The following MGAM variants were observed in gnomAD, a reference collection of about 807,000 sequenced individuals.
The protein encoded by MGAM is alpha-1,4-glucosidase.
Under a neutral mutation model 358.8 loss-of-function variants are expected in MGAM, and 253 were observed. That is an observed-to-expected ratio of 0.71 (90% CI 0.64 to 0.78). The LOEUF is 0.78. Ranked by LOEUF, MGAM falls within the 30% of genes least tolerant of loss-of-function variation. MGAM has a pLI of 0.00. For synonymous variants in MGAM, 1,105 were observed against 1,227.1 expected, an observed-to-expected ratio of 0.90 and a Z score of 2.08; for missense variants, 3,080 against 3,432.6, an observed-to-expected ratio of 0.90 and a Z score of 2.57.
In MGAM at chr7:142,079,038, T is replaced by A. The variant is rs760897122; in HGVS notation, c.5847+30T>A. 38 of 1,500,696 alleles carry A rather than the reference T, an allele frequency of 2.5e-5. 7 individuals carry two copies. The highest frequency in any genetic ancestry group is 3.3e-5 in the Non-Finnish European group (36 of 1,087,104). The allele number at this position is 1,500,696 out of a possible 1,614,324, so 93.0% of individuals were successfully genotyped here. On this transcript the variant is annotated intron_variant, in intron 49 of 70. Coordinates refer to ENST00000475668, the MANE Select transcript of MGAM (RefSeq NM_001365693.1). ...ACACGGTACATATATCAGGCAGTGA[T>A]AAGACCCTTTTCAGTTCCATTATCT...
chr7:142,079,486 A>G (rs1814046967), intron 49 of MGAM, among the ~76,000 whole-genome samples: 1 of 145,776 alleles, frequency 6.9e-6, no homozygotes, highest in South Asian at 2.2e-4. Flanking sequence ...GGAATACTGA[A>G]AAGGTTTGTG....
intron 7 of MGAM, among the ~76,000 whole-genome samples, chr7:142,023,101 C>T (rs1240253923): frequency 6.6e-6 from 1 of 151,958 alleles, no homozygotes; most frequent in Non-Finnish European, 1.5e-5. Flanking sequence ...TCACTGTCAC[C>T]CAGGCTGAAG....
intron 17 of MGAM, 87 bp from the exon 18 acceptor site, chr7:142,036,736 G>A: frequency 7.2e-7 from 1 of 1,395,170 alleles, no homozygotes; most frequent in South Asian, 1.3e-5. Flanking sequence ...GGAAATTCTT[G>A]GTTGTAATGA....
intron 31 of MGAM, 56 bp downstream of exon 31, chr7:142,058,384 C>T: frequency 6.2e-7 from 1 of 1,607,648 alleles, no homozygotes; most frequent in East Asian, 2.2e-5. Context: ...GCCTCTGTGT[C>T]TGGGTTCATT....
rs1816844985 is a variant in MGAM, at chr7:142,106,182, T to C, written c.*291T>C. ...ATTTACTGAAGATGAACTGGGTCCA[T>C]GATGAAGTGTGTGTATGTCCACGTT... On this transcript the variant is annotated 3_prime_UTR_variant, in exon 71 of 71. Transcript: ENST00000475668. 8.5e-6 allele frequency: 2 copies of C among 235,628 alleles called. No homozygotes were observed. Among genetic ancestry groups the C allele is most frequent in the Non-Finnish European group, 1.7e-5 (2 of 116,350 alleles). 14.6% of individuals were successfully genotyped at this position (235,628 alleles called of 1,614,324 possible). A position where few individuals can be genotyped will look rare whatever the true frequency, so the allele number is the denominator to read the frequency against.
In MGAM at chr7:142,083,314, G is replaced by A; in HGVS notation, c.6282G>A (p.Gln2094=). The A allele has an allele frequency of 1.3e-6, 2 of 1,551,448 alleles. No homozygotes were observed. Among genetic ancestry groups the A allele is most frequent in the Non-Finnish European group, 1.8e-6 (2 of 1,130,034 alleles). The change falls in exon 53 of 71, where the codon CAG becomes CAA. Residue 2094 remains glutamine, a synonymous_variant. Transcript: ENST00000475668. ...CTTCATTTTCAGATGTGACGTTCCA[G>A]CCCCTGCCTGCCTTGACATACCGTA... ...LNSNAMDVTF[Q]PLPALTYRTT...
intron 13 of MGAM, among the ~76,000 whole-genome samples, 196 bp downstream of exon 13, chr7:142,031,989 T>C (rs1807541039): frequency 6.6e-6 from 1 of 151,716 alleles, no homozygotes; most frequent in South Asian, 2.1e-4. Flanking sequence ...ATCAAAATGT[T>C]AGAGCTGAAA....
intron 18 of MGAM, among the ~76,000 whole-genome samples, chr7:142,037,711 TAGTC>T (rs1808116044): frequency 1.3e-5 from 2 of 152,318 alleles, no homozygotes; most frequent in African/African-American, 2.4e-5. Context: ...AGTTTCTTGA[TAGTC>T]AGCTGAAGTT....
chr7:142,104,097 C>A (rs952643029), intron 70 of MGAM, among the ~76,000 whole-genome samples: 2 of 152,132 alleles, frequency 1.3e-5, no homozygotes, highest in Non-Finnish European at 2.9e-5. Context: ...TGTGATCCGC[C>A]TGCCTTGGCC....
Position 142,052,921 on chromosome 7 carries a change from C to T in MGAM, c.3096C>T (p.Ser1032=), listed in dbSNP as rs754518462. ...KSSVYANAFP[S]TPVNPLRLDV... ...CCGTTTATGCCAATGCCTTCCCCTC[C>T]ACACCCGTGAACCCCCTTCGCCTGG... Residue 1032 remains serine, a synonymous_variant, in exon 26 of 71, where the codon TCC becomes TCT. Transcript: ENST00000475668. 32 of 1,613,764 alleles carry T rather than the reference C, an allele frequency of 2.0e-5. No homozygotes were observed. The highest frequency in any genetic ancestry group is 1.3e-5 in the African/African-American group (1 of 74,894).
intron 21 of MGAM, among the ~76,000 whole-genome samples, chr7:142,042,662 C>T (rs1200834589): frequency 7.2e-4 from 2 of 2,770 alleles, no homozygotes; most frequent in East Asian, 6.9e-3. Flanking sequence ...ATTATATATA[C>T]ATATTATATA....
At chr7:142,041,995 TATATTA>T (rs1808775920) in intron 21 of MGAM, among the ~76,000 whole-genome samples, 4 of 13,548 alleles carry the variant, frequency 3.0e-4, no homozygotes, top group African/African-American at 1.1e-3. Context: ...ATAATATATA[TATATTA>T]TATATATAAT....
intron 51 of MGAM, 98 bp downstream of exon 51, chr7:142,082,308 A>T: frequency 7.0e-7 from 1 of 1,423,066 alleles, no homozygotes. Flanking sequence ...TGGTCGTCAC[A>T]TTCTGCTTTT....
chr7:142,070,108 G>A lies in MGAM; in HGVS notation c.5062-886G>A, dbSNP rs1283020972. ...CTCGGGAGGCTGAGGCATGACAATTGTTTGAACCTGGGAGGCGGAGGTTGC... is the reference window on the plus strand; with the variant it reads ...CTCGGGAGGCTGAGGCATGACAATTATTTGAACCTGGGAGGCGGAGGTTGC... On this transcript the variant is annotated intron_variant, in intron 43 of 70. Coordinates refer to ENST00000475668, the MANE Select transcript of MGAM (RefSeq NM_001365693.1). Among the ~76,000 whole-genome samples the A allele has an allele frequency of 2.1e-5, 3 of 144,104 alleles. 1 individual carries two copies. Among genetic ancestry groups the A allele is most frequent in the Non-Finnish European group, 4.7e-5 (3 of 63,764 alleles). 94.5% of individuals were successfully genotyped at this position (144,104 alleles called of 152,430 possible). A position where few individuals can be genotyped will look rare whatever the true frequency, so the allele number is the denominator to read the frequency against.
chr7:142,058,156 T>C, intron 30 of MGAM, 47 bp from the exon 31 acceptor site: 1 of 1,611,530 alleles, frequency 6.2e-7, no homozygotes, highest in Non-Finnish European at 8.5e-7. Context: ...AAAACTTCAA[T>C]GTGGTGCCTC....
At chr7:142,021,519 G>A (rs1435089181) in intron 5 of MGAM, 67 bp from the exon 6 acceptor site, 14 of 1,465,094 alleles carry the variant, frequency 9.6e-6, no homozygotes, top group Non-Finnish European at 1.3e-5. Flanking sequence ...AGTATCCTAA[G>A]TAGGGATATT....
chr7:142,094,275 A>C lies in MGAM; in HGVS notation c.7173-89A>C, dbSNP rs1815672250. The C allele has an allele frequency of 4.3e-6, 6 of 1,410,850 alleles. No individual in the cohort carries two copies. The South Asian group carries it at 7.6e-5, about 18-fold the overall frequency. 87.4% of individuals were successfully genotyped at this position (1,410,850 alleles called of 1,614,324 possible). ...CCCTCCAATCACGCAGCAAACATTG[A>C]CTAGGCTCAAGGGCTCTGGGAGCAG... On this transcript the variant is annotated intron_variant, in intron 60 of 70. Coordinates refer to ENST00000475668, the MANE Select transcript of MGAM (RefSeq NM_001365693.1).
intron 12 of MGAM, among the ~76,000 whole-genome samples, chr7:142,031,128 T>C (rs1172841742): frequency 6.6e-6 from 1 of 152,186 alleles, no homozygotes; most frequent in Admixed American, 6.6e-5. Context: ...CGGAACTGTT[T>C]CATACCTCTT....
chr7:142,098,805 G>T (rs1585113025), intron 66 of MGAM, among the ~76,000 whole-genome samples: 1 of 152,298 alleles, frequency 6.6e-6, no homozygotes, highest in East Asian at 1.9e-4. Context: ...AAAGACAAAA[G>T]AAATCATGGA....
Sources: allele counts gnomAD v4.1 joint callset (sites outside exome capture counted in the v4.1 genomes callset), GRCh38; gene constraint gnomAD v4.1.1; transcripts MANE v1.5; gene names NCBI Gene and HGNC (gene_info 2026-07-23, HGNC 2026-07-21).